Variants in GRIA4 observed in about 807,000 individuals in gnomAD.
GRIA4 encodes glutamate ionotropic receptor AMPA type subunit 4.
A neutral mutation model predicts 104.0 loss-of-function variants in GRIA4; 34 were observed. That is an observed-to-expected ratio of 0.33 (90% CI 0.25 to 0.44). The LOEUF (loss-of-function observed/expected upper bound fraction) is 0.44. GRIA4 is among the 20% of genes least tolerant of loss of function. The probability of loss-of-function intolerance (pLI) is 1.00; values close to 1 mark genes in which losing one functional copy is unlikely to be tolerated. For missense variants in GRIA4, 750 were observed against 1,096.5 expected (o/e 0.68, Z 4.46); for synonymous variants, 386 against 381.9 (o/e 1.01, Z -0.13).
intron 4 of GRIA4, among the ~76,000 whole-genome samples, chr11:105,781,696 T>A (rs1042813158): frequency 6.6e-6 from 1 of 152,090 alleles, no homozygotes; most frequent in Non-Finnish European, 1.5e-5. Flanking sequence ...TTAACAATCA[T>A]TTACAAACCC....
At chr11:105,854,666 A>G (rs1311864351) in intron 4 of GRIA4, among the ~76,000 whole-genome samples, 1 of 152,180 alleles carries the variant, frequency 6.6e-6, no homozygotes, top group Non-Finnish European at 1.5e-5. Context: ...GGTTTTTGAT[A>G]TATTTTGAAG....
Position 105,672,905 on chromosome 11 carries a change from ATTTAAAATTTTATT to A in GRIA4, c.247+60490_247+60503del, listed in dbSNP as rs545923463. On this transcript the variant is annotated intron_variant, in intron 3 of 16. Transcript: ENST00000282499. ...TATTATTTATTAAATGCAGGTATTCATTTAAAATTTTATTTTTAAAATTTTATTTTTAGAATATG... is the reference window on the plus strand; with the variant it reads ...TATTATTTATTAAATGCAGGTATTCATTTAAAATTTTATTTTTAGAATATG... Among the ~76,000 whole-genome samples, 21 of 152,256 alleles carry A rather than the reference ATTTAAAATTTTATT, an allele frequency of 1.4e-4. No homozygotes were observed. The East Asian group carries it at 3.9e-3, about 28-fold the overall frequency.
At chr11:105,712,311 T>C (rs183210261) in intron 3 of GRIA4, among the ~76,000 whole-genome samples, 1 of 151,640 alleles carries the variant, frequency 6.6e-6, no homozygotes, top group African/African-American at 2.4e-5. Flanking sequence ...TGAAACTGTG[T>C]AAAGCGAAGT....
intron 7 of GRIA4, among the ~76,000 whole-genome samples, chr11:105,903,063 G>T (rs1946916346): frequency 6.6e-6 from 1 of 151,944 alleles, no homozygotes; most frequent in South Asian, 2.1e-4. Context: ...GAGGTGGGGG[G>T]AGCTCACTCT....
intron 4 of GRIA4, among the ~76,000 whole-genome samples, chr11:105,798,340 G>T (rs760748272): frequency 6.6e-5 from 10 of 152,138 alleles, no homozygotes; most frequent in Non-Finnish European, 1.0e-4. Flanking sequence ...CTGTGGAAGA[G>T]ATTGTTGGGC....
intron 4 of GRIA4, 44 bp from the exon 5 acceptor site, chr11:105,861,980 G>A (rs1332377671): frequency 8.4e-7 from 1 of 1,186,420 alleles, no homozygotes; most frequent in Non-Finnish European, 1.2e-6. Flanking sequence ...ATCATTAAAG[G>A]GGAGTAAAAG....
intron 8 of GRIA4, 128 bp downstream of exon 8, chr11:105,904,109 C>T (rs749597354): frequency 5.2e-5 from 34 of 653,300 alleles, no homozygotes; most frequent in South Asian, 2.4e-4. Context: ...ATCAAGCCAT[C>T]ATTTTTGGAA....
At chr11:105,763,554 C>A (rs936325744) in intron 4 of GRIA4, among the ~76,000 whole-genome samples, 1 of 151,950 alleles carries the variant, frequency 6.6e-6, no homozygotes, top group Non-Finnish European at 1.5e-5. Context: ...GTAACAAATG[C>A]AAAGATTTTA....
At chr11:105,618,167 G>A (rs55816864) in intron 3 of GRIA4, among the ~76,000 whole-genome samples, 61,742 of 151,626 alleles carry the variant, frequency 0.41, 13,265 homozygotes, top group Non-Finnish European at 0.49. Flanking sequence ...GTGCTAAGGG[G>A]TGAGACTTTG....
intron 4 of GRIA4, among the ~76,000 whole-genome samples, chr11:105,781,599 G>T (rs572131330): frequency 1.1e-4 from 17 of 152,164 alleles, no homozygotes; most frequent in African/African-American, 3.9e-4. Context: ...CATCTATATA[G>T]AGTACGTCTT....
intron 9 of GRIA4, among the ~76,000 whole-genome samples, chr11:105,907,679 C>T (rs1947091311): frequency 6.6e-6 from 1 of 152,122 alleles, no homozygotes. Flanking sequence ...TGCATGGTTT[C>T]AGAAATCTTT....
chr11:105,886,542 C>T (rs1946269718), intron 5 of GRIA4, among the ~76,000 whole-genome samples: 1 of 151,444 alleles, frequency 6.6e-6, no homozygotes, highest in Non-Finnish European at 1.5e-5. Flanking sequence ...TCTCTATGTC[C>T]ATCATACATT....
intron 3 of GRIA4, among the ~76,000 whole-genome samples, chr11:105,740,576 T>C (rs1939244251): frequency 1.3e-5 from 2 of 152,180 alleles, no homozygotes; most frequent in Non-Finnish European, 2.9e-5. Context: ...AAGACGTAAA[T>C]AAGCAATCAA....
chr11:105,851,860 A>G (rs1042804212), intron 4 of GRIA4, among the ~76,000 whole-genome samples: 10 of 152,134 alleles, frequency 6.6e-5, no homozygotes, highest in African/African-American at 2.4e-4. Context: ...CTTCTATTAT[A>G]AATGTATTTG....
chr11:105,658,460 T>C (rs1488878406), intron 3 of GRIA4, among the ~76,000 whole-genome samples: 1 of 151,214 alleles, frequency 6.6e-6, no homozygotes, highest in South Asian at 2.1e-4. Context: ...GAATCTGGAA[T>C]GTGTATAGGA....
At chr11:105,938,159 A>T (rs1948095594) in intron 14 of GRIA4, among the ~76,000 whole-genome samples, 1 of 152,204 alleles carries the variant, frequency 6.6e-6, no homozygotes, top group South Asian at 2.1e-4. Context: ...TTGCTGGGGC[A>T]GGTGTATTAA....
At chr11:105,977,752 C>A (rs1312645173) in intron 16 of GRIA4, among the ~76,000 whole-genome samples, 1 of 151,976 alleles carries the variant, frequency 6.6e-6, no homozygotes, top group Non-Finnish European at 1.5e-5. Flanking sequence ...TCTTTTTATA[C>A]ACACACCCAA....
chr11:105,623,180 C>A (rs1253674833), intron 3 of GRIA4, among the ~76,000 whole-genome samples: 4 of 150,798 alleles, frequency 2.7e-5, no homozygotes, highest in African/African-American at 9.7e-5. Context: ...GATAAACATA[C>A]AAGTGCAGGT....
At chr11:105,798,900 C>A (rs582570) in intron 4 of GRIA4, among the ~76,000 whole-genome samples, 1 of 151,966 alleles carries the variant, frequency 6.6e-6, no homozygotes, top group South Asian at 2.1e-4. Context: ...ATTAAACCTC[C>A]TACTGAACAT....
Sources: gnomAD v4.1 joint callset for allele counts (sites outside exome capture counted in the v4.1 genomes callset) on GRCh38, gnomAD v4.1.1 for gene constraint, MANE v1.5 for transcripts, NCBI Gene and HGNC (gene_info 2026-07-23, HGNC 2026-07-21) for gene names.